The following TBC1D31 variants were observed in gnomAD, a reference collection of about 807,000 sequenced individuals.
The protein encoded by TBC1D31 is TBC1 domain family member 31, also known as WD repeat domain 67.
In TBC1D31, 99 loss-of-function variants were observed where a neutral mutation model predicts 132.9. The observed-to-expected ratio is 0.74, with a 90% confidence interval of 0.63 to 0.88. The LOEUF (loss-of-function observed/expected upper bound fraction) is 0.88. Among genes scored for constraint, TBC1D31 ranks in the 40% least tolerant of loss-of-function variants. The probability of loss-of-function intolerance (pLI) is 0.00; values close to 1 mark genes in which losing one functional copy is unlikely to be tolerated. For synonymous variants in TBC1D31, 385 were observed against 419.4 expected (o/e 0.92, Z 1.00); for missense variants, 1,134 against 1,256.6 (o/e 0.90, Z 1.48).
At chr8:123,087,726 T>A (rs1267455679) in intron 4 of TBC1D31, among the ~76,000 whole-genome samples, 3 of 152,202 alleles carry the variant, frequency 2.0e-5, no homozygotes, top group Non-Finnish European at 4.4e-5. Flanking sequence ...AACGCAAACC[T>A]TGCTTGGACA....
At chr8:123,090,820 G>T (rs1816244560) in intron 4 of TBC1D31, among the ~76,000 whole-genome samples, 1 of 152,052 alleles carries the variant, frequency 6.6e-6, no homozygotes, top group Admixed American at 6.5e-5. Flanking sequence ...GGGCATGTTG[G>T]CACATGCTGT....
In TBC1D31 at chr8:123,129,565, T is replaced by A. The variant is rs567668667; in HGVS notation, c.2270+347T>A. On this transcript the variant is annotated intron_variant, in intron 15 of 21. Transcript: ENST00000287380. ...CACCTTTAGTAGAGTATAATTTTTT[T>A]AATTGTGTTTTAAACATACCTGTGT... is the stretch of plus-strand genomic sequence containing the variant. Among the ~76,000 whole-genome samples the A allele has an allele frequency of 2.0e-5, 3 of 152,342 alleles. No individual in the cohort carries two copies. In the East Asian group the frequency reaches 5.8e-4, roughly 29 times the overall value.
chr8:123,077,887 A>G (rs1814702870), intron 2 of TBC1D31, among the ~76,000 whole-genome samples: 1 of 152,032 alleles, frequency 6.6e-6, no homozygotes, highest in African/African-American at 2.4e-5. Context: ...TGTCTCTACT[A>G]AAATACAAAA....
intron 10 of TBC1D31, among the ~76,000 whole-genome samples, chr8:123,117,623 C>CGG (rs1681962560): frequency 6.6e-6 from 1 of 150,582 alleles, no homozygotes; most frequent in Non-Finnish European, 1.5e-5. Context: ...CATGGTGGCG[C>CGG]GCGCCTGTAG....
intron 20 of TBC1D31, among the ~76,000 whole-genome samples, chr8:123,146,166 G>A (rs181950708): frequency 2.6e-4 from 39 of 152,154 alleles, no homozygotes; most frequent in Non-Finnish European, 5.3e-4. Flanking sequence ...AGCACCGCAC[G>A]CAGCCTAATT....
At chr8:123,142,829 TG>T (rs1250847033) in intron 19 of TBC1D31, among the ~76,000 whole-genome samples, 1 of 152,254 alleles carries the variant, frequency 6.6e-6, no homozygotes, top group African/African-American at 2.4e-5. Context: ...CCTGGATTTT[TG>T]TTCTGGCTGA....
intron 2 of TBC1D31, among the ~76,000 whole-genome samples, chr8:123,078,371 T>C (rs1274806547): frequency 6.6e-6 from 1 of 152,154 alleles, no homozygotes; most frequent in African/African-American, 2.4e-5. Flanking sequence ...CATGGTATTG[T>C]ATTGGAATTA....
At chr8:123,115,970 T>G (rs62521780) in intron 10 of TBC1D31, among the ~76,000 whole-genome samples, 46,747 of 151,984 alleles carry the variant, frequency 0.31, 7,262 homozygotes, top group African/African-American at 0.34. Context: ...GGGACAGTTT[T>G]CATTATTCTG....
At chr8:123,112,003 G>T (rs1396045875) in intron 10 of TBC1D31, among the ~76,000 whole-genome samples, 7 of 152,058 alleles carry the variant, frequency 4.6e-5, no homozygotes, top group African/African-American at 1.7e-4. Flanking sequence ...GGTATGCACC[G>T]CCATGCCTGG....
intron 19 of TBC1D31, among the ~76,000 whole-genome samples, chr8:123,143,463 A>G (rs1292566961): frequency 6.6e-6 from 1 of 152,004 alleles, no homozygotes; most frequent in East Asian, 1.9e-4. Flanking sequence ...CCTCGCAAAG[A>G]CTCTGGGATC....
chr8:123,085,687 G>C (rs1815663949), intron 4 of TBC1D31, among the ~76,000 whole-genome samples: 2 of 152,292 alleles, frequency 1.3e-5, no homozygotes, highest in East Asian at 3.9e-4. Flanking sequence ...GGGATTACAG[G>C]CGTGAGCCAC....
chr8:123,142,543 C>A, intron 19 of TBC1D31, 87 bp downstream of exon 19: 2 of 1,141,208 alleles, frequency 1.8e-6, no homozygotes, highest in South Asian at 2.0e-5. Flanking sequence ...TGTTGTACAG[C>A]CTCGAAATTC....
At chr8:123,103,745 A>G (rs1817668900) in intron 7 of TBC1D31, 1 of 152,264 alleles carries the variant, frequency 6.6e-6, no homozygotes, top group Non-Finnish European at 1.5e-5. Flanking sequence ...TAATAGAGGC[A>G]GGCAGAGAGC....
chr8:123,083,477 C>G (rs1026101341), intron 3 of TBC1D31: 2 of 151,836 alleles, frequency 1.3e-5, no homozygotes, highest in Non-Finnish European at 2.9e-5. Context: ...AGGTTGGTCT[C>G]GAACTTCTAG....
At chr8:123,084,840 G>A (rs905931453) in intron 4 of TBC1D31, among the ~76,000 whole-genome samples, 5 of 151,826 alleles carry the variant, frequency 3.3e-5, no homozygotes, top group Admixed American at 2.6e-4. Context: ...CCTAGGCTGG[G>A]GTGCAGTGGC....
chr8:123,152,146 C>G lies in TBC1D31; in HGVS notation c.*207C>G. Reference sequence around the variant, plus strand: ...TTTTACAATAAAAATGTTTTAGAAACTGTTAAAGCTGTGTTAAGCTTTCAG... The same window carrying G: ...TTTTACAATAAAAATGTTTTAGAAAGTGTTAAAGCTGTGTTAAGCTTTCAG... On this transcript the variant is annotated 3_prime_UTR_variant, in exon 22 of 22. Coordinates refer to ENST00000287380, the MANE Select transcript of TBC1D31 (RefSeq NM_145647.4). 2.3e-6 allele frequency: 1 copy of G among 427,570 alleles called. No homozygotes were observed. The highest frequency in any genetic ancestry group is 3.9e-6 in the Non-Finnish European group (1 of 257,766). 26.5% of individuals were successfully genotyped at this position (427,570 alleles called of 1,614,324 possible).
At chr8:123,079,661 C>T (rs374863708) in intron 2 of TBC1D31, among the ~76,000 whole-genome samples, 1 of 152,186 alleles carries the variant, frequency 6.6e-6, no homozygotes, top group African/African-American at 2.4e-5. Context: ...GGTTACTTAA[C>T]GTTTCCTATT....
chr8:123,153,493 CTTTTTA>C (rs1212540192), downstream of TBC1D31, among the ~76,000 whole-genome samples: 2 of 152,180 alleles, frequency 1.3e-5, no homozygotes, highest in Non-Finnish European at 2.9e-5. Context: ...AAATGAAGTT[CTTTTTA>C]TCACATGCTT....
At chr8:123,093,413 A>G (rs1328109565) in intron 4 of TBC1D31, among the ~76,000 whole-genome samples, 178 bp from the exon 5 acceptor site, 1 of 146,992 alleles carries the variant, frequency 6.8e-6, no homozygotes, top group South Asian at 2.1e-4. Context: ...TTTTTTTTTT[A>G]GTTAATAATA....
Sources: allele counts gnomAD v4.1 joint callset (sites outside exome capture counted in the v4.1 genomes callset), GRCh38; gene constraint gnomAD v4.1.1; transcripts MANE v1.5; gene names NCBI Gene and HGNC (gene_info 2026-07-23, HGNC 2026-07-21).